Variants in NAF1 observed in about 807,000 individuals in gnomAD.
NAF1 encodes nuclear assembly factor 1 ribonucleoprotein, also known as H/ACA ribonucleoprotein complex non-core subunit NAF1.
A neutral mutation model predicts 40.6 loss-of-function variants in NAF1; 11 were observed. The observed-to-expected ratio is 0.27, with a 90% CI of 0.17 to 0.45. The LOEUF (loss-of-function observed/expected upper bound fraction) is 0.45. Ranked by LOEUF, NAF1 falls within the 20% of genes least tolerant of loss-of-function variation. NAF1 has a pLI of 1.00. For synonymous variants in NAF1, 260 were observed against 228.5 expected, an observed-to-expected ratio of 1.14 and a Z score of -1.24; for missense variants, 607 against 611.1, an observed-to-expected ratio of 0.99 and a Z score of 0.07.
At chr4:163,108,092 G>C (rs756605463), downstream of NAF1, among the ~76,000 whole-genome samples, 1 of 151,962 alleles carries the variant, frequency 6.6e-6, no homozygotes, top group Non-Finnish European at 1.5e-5. Flanking sequence ...CTTCCTGCAT[G>C]CAACATAATT....
chr4:163,158,032 G>T (rs1471864921), intron 2 of NAF1, among the ~76,000 whole-genome samples: 1 of 152,106 alleles, frequency 6.6e-6, no homozygotes, highest in Admixed American at 6.5e-5. Flanking sequence ...CTTTCAGTAG[G>T]ATTTTCACTC....
chr4:163,130,908 T>C (rs1304320324), intron 7 of NAF1, among the ~76,000 whole-genome samples: 1 of 152,244 alleles, frequency 6.6e-6, no homozygotes, highest in Non-Finnish European at 1.5e-5. Flanking sequence ...AGACGGAGTC[T>C]CGCTCTGTAG....
At chr4:163,149,409 T>G (rs2110981308) in intron 2 of NAF1, among the ~76,000 whole-genome samples, 1 of 152,316 alleles carries the variant, frequency 6.6e-6, no homozygotes. Context: ...GTAATCATAT[T>G]ACCCCTACGG....
intron 2 of NAF1, among the ~76,000 whole-genome samples, chr4:163,115,214 T>A (rs1431438259): frequency 7.1e-6 from 1 of 140,318 alleles, no homozygotes; most frequent in African/African-American, 2.6e-5. Flanking sequence ...TTTATTTATT[T>A]TTTTTTTTTT....
chr4:163,111,025 G>C (rs749167328), intron 2 of NAF1, among the ~76,000 whole-genome samples: 1 of 152,076 alleles, frequency 6.6e-6, no homozygotes, highest in Non-Finnish European at 1.5e-5. Flanking sequence ...CTTTTTGAAG[G>C]TTCCTCAGAA....
the NAF1 span, among the ~76,000 whole-genome samples, chr4:163,104,902 A>G: frequency 6.6e-6 from 1 of 152,190 alleles, no homozygotes; most frequent in Non-Finnish European, 1.5e-5. Context: ...TAACTCAACA[A>G]TTTGCTCAGT....
chr4:163,133,303 A>C, intron 6 of NAF1, 47 bp from the exon 7 acceptor site: 1 of 1,431,424 alleles, frequency 7.0e-7, no homozygotes, highest in African/African-American at 1.4e-5. Flanking sequence ...TGAATTTGCC[A>C]ATTCAATAGT....
intron 2 of NAF1, among the ~76,000 whole-genome samples, chr4:163,163,149 T>A (rs899670049): frequency 6.6e-6 from 1 of 152,062 alleles, no homozygotes; most frequent in Non-Finnish European, 1.5e-5. Flanking sequence ...TTTCAGAAAA[T>A]AGTTATGCTG....
intron 2 of NAF1, among the ~76,000 whole-genome samples, chr4:163,150,022 A>G (rs754118063): frequency 2.1e-4 from 32 of 152,120 alleles, no homozygotes; most frequent in Non-Finnish European, 4.0e-4. Context: ...AATCTGTCCC[A>G]TTACCTAGCC....
At position 163,156,493 on chromosome 4, in the gene NAF1, A is replaced by C. The variant is rs535256089; in HGVS notation, c.540+7724T>G. On this transcript the variant is annotated intron_variant, in intron 2 of 7. Coordinates refer to ENST00000274054, the MANE Select transcript of NAF1 (RefSeq NM_138386.3). The stretch of plus-strand genomic sequence containing the variant: ...TTACTCAATATTAGATACAAATTTA[A>C]ATTTAATTAAAATTAAATAAAATTT... Among the ~76,000 whole-genome samples the C allele has an allele frequency of 4.5e-4, 69 of 152,000 alleles. 1 individual carries two copies. The South Asian group carries it at 0.014, about 31-fold the overall frequency.
At chr4:163,118,625 T>C (rs1439452064) in intron 2 of NAF1, among the ~76,000 whole-genome samples, 2 of 152,124 alleles carry the variant, frequency 1.3e-5, no homozygotes, top group Non-Finnish European at 2.9e-5. Flanking sequence ...TGGTGGCACA[T>C]GCCTGTAGTC....
intron 2 of NAF1, among the ~76,000 whole-genome samples, chr4:163,115,382 G>C (rs1163977387): frequency 1.3e-5 from 2 of 151,662 alleles, no homozygotes; most frequent in Admixed American, 1.3e-4. Flanking sequence ...CTAATTTTTT[G>C]TATTTTTAGT....
chr4:163,116,321 A>G (rs1730337017), intron 2 of NAF1, among the ~76,000 whole-genome samples: 1 of 152,160 alleles, frequency 6.6e-6, no homozygotes, highest in African/African-American at 2.4e-5. Flanking sequence ...ATTTTGAGAA[A>G]ATTATAATTG....
chr4:163,142,902 G>A (rs929703091), intron 4 of NAF1, among the ~76,000 whole-genome samples: 1 of 152,168 alleles, frequency 6.6e-6, no homozygotes, highest in East Asian at 1.9e-4. Context: ...TCCATAGGAG[G>A]CACCCATATC....
downstream of NAF1, among the ~76,000 whole-genome samples, chr4:163,125,540 G>A (rs371834507): frequency 3.3e-5 from 5 of 152,182 alleles, no homozygotes; most frequent in African/African-American, 4.8e-5. Flanking sequence ...TCGATTCTAC[G>A]AAGGCTGAGA....
chr4:163,115,665 G>A (rs1423659141), intron 2 of NAF1, among the ~76,000 whole-genome samples: 1 of 152,038 alleles, frequency 6.6e-6, no homozygotes, highest in East Asian at 1.9e-4. Flanking sequence ...TTTATTGGTA[G>A]TTTTTTTGTG....
At chr4:163,152,715 G>A (rs2111001306) in intron 2 of NAF1, among the ~76,000 whole-genome samples, 1 of 152,322 alleles carries the variant, frequency 6.6e-6, no homozygotes, top group South Asian at 2.1e-4. Context: ...CACTCTCCGC[G>A]CCTCCTCTGC....
At chr4:163,138,932 C>T (rs554575517) in intron 5 of NAF1, among the ~76,000 whole-genome samples, 63 of 152,192 alleles carry the variant, frequency 4.1e-4, no homozygotes, top group South Asian at 8.3e-4. Context: ...ATATTAATAT[C>T]TTGAAGACTT....
chr4:163,123,549 T>C (rs1730573293), downstream of NAF1, among the ~76,000 whole-genome samples: 3 of 152,092 alleles, frequency 2.0e-5, no homozygotes, highest in Non-Finnish European at 4.4e-5. Flanking sequence ...GCTCGGCTAA[T>C]TTTTGTATTT....
Sources: gnomAD v4.1 joint callset for allele counts (sites outside exome capture counted in the v4.1 genomes callset) on GRCh38, gnomAD v4.1.1 for gene constraint, MANE v1.5 for transcripts, NCBI Gene and HGNC (gene_info 2026-07-23, HGNC 2026-07-21) for gene names.